The following YTHDC1 variants were observed in gnomAD, a reference collection of about 807,000 sequenced individuals.
The protein encoded by YTHDC1 is YTH domain-containing protein 1.
A neutral mutation model predicts 107.0 loss-of-function variants in YTHDC1; 12 were observed. That is an observed-to-expected ratio of 0.11 (90% CI 0.07 to 0.18). The LOEUF (loss-of-function observed/expected upper bound fraction) is 0.18. Ranked by LOEUF, YTHDC1 falls within the 10% of genes least tolerant of loss-of-function variation. The pLI is 1.00. For synonymous variants in YTHDC1, 280 were observed against 289.5 expected, an observed-to-expected ratio of 0.97 and a Z score of 0.33; for missense variants, 635 against 898.8, an observed-to-expected ratio of 0.71 and a Z score of 3.75.
chr4:68,313,848 T>G lies in YTHDC1; in HGVS notation c.*251A>C. On this transcript the variant is annotated 3_prime_UTR_variant, in exon 17 of 17. Transcript: ENST00000344157. ...TATGGAGAAAGAATCAGTATCTACATTCTTGGACTGTTCCATTCTGCCCCA... is the reference window on the plus strand; with the variant it reads ...TATGGAGAAAGAATCAGTATCTACAGTCTTGGACTGTTCCATTCTGCCCCA... 1 of 548,460 alleles carries G rather than the reference T, an allele frequency of 1.8e-6. No individual in the cohort carries two copies. The highest frequency in any genetic ancestry group is 2.3e-5 in the South Asian group (1 of 42,798). The allele number at this position is 548,460 out of a possible 1,614,324, so 34.0% of individuals were successfully genotyped here.
In YTHDC1 at chr4:68,316,595, A is replaced by G. The variant is rs147573557; in HGVS notation, c.1825-147T>C. 1.7e-5 allele frequency: 16 copies of G among 929,964 alleles called. No homozygotes were observed. The Middle Eastern group carries it at 9.3e-4, about 54-fold the overall frequency. The allele number at this position is 929,964 out of a possible 1,614,324, so 57.6% of individuals were successfully genotyped here. On this transcript the variant is annotated intron_variant, in intron 15 of 16. Transcript: ENST00000344157. The stretch of plus-strand genomic sequence containing the variant: ...TGATGGCATTAAGGTGTTTCAAAAT[A>G]TGCTTTTTGTCGAAAATTACACATC...
At chr4:68,319,124 TA>T (rs889508040) in intron 12 of YTHDC1, among the ~76,000 whole-genome samples, 6 of 152,360 alleles carry the variant, frequency 3.9e-5, no homozygotes, top group African/African-American at 1.4e-4. Flanking sequence ...CAAATCTTGC[TA>T]ATCAGAAAAT....
intron 1 of YTHDC1, among the ~76,000 whole-genome samples, chr4:68,341,395 T>G (rs1724787382): frequency 6.6e-6 from 1 of 152,112 alleles, no homozygotes; most frequent in African/African-American, 2.4e-5. Context: ...ACTGAAATAT[T>G]CAAAATCAAC....
At chr4:68,346,911 A>G (rs1013912858) in intron 1 of YTHDC1, among the ~76,000 whole-genome samples, 6 of 152,178 alleles carry the variant, frequency 3.9e-5, no homozygotes, top group Non-Finnish European at 8.8e-5. Context: ...TCAGGTATCC[A>G]CTGTGGATCT....
intron 7 of YTHDC1, among the ~76,000 whole-genome samples, chr4:68,330,989 T>C (rs986557803): frequency 3.9e-5 from 6 of 152,168 alleles, no homozygotes; most frequent in Non-Finnish European, 7.4e-5. Flanking sequence ...GTGCTTACAG[T>C]TGTTCCTCAG....
At chr4:68,339,068 T>A (rs1724534979) in intron 1 of YTHDC1, among the ~76,000 whole-genome samples, 1 of 152,170 alleles carries the variant, frequency 6.6e-6, no homozygotes, top group Admixed American at 6.5e-5. Flanking sequence ...TAAATACACA[T>A]TTACCAAAAA....
chr4:68,340,973 G>C (rs1001198169), intron 1 of YTHDC1, among the ~76,000 whole-genome samples: 1 of 152,060 alleles, frequency 6.6e-6, no homozygotes, highest in East Asian at 1.9e-4. Flanking sequence ...ACTGGTTGTA[G>C]TTTTAGAAAG....
At chr4:68,319,356 C>T (rs147167959) in intron 12 of YTHDC1, among the ~76,000 whole-genome samples, 5 of 152,186 alleles carry the variant, frequency 3.3e-5, no homozygotes, top group Admixed American at 2.0e-4. Context: ...AATGAAAAAT[C>T]GATGGTGGTT....
chr4:68,340,549 C>T (rs1217187609), intron 1 of YTHDC1, among the ~76,000 whole-genome samples: 1 of 151,862 alleles, frequency 6.6e-6, no homozygotes, highest in Non-Finnish European at 1.5e-5. Flanking sequence ...CATTTTCGGA[C>T]TCTAAATTAT....
intron 9 of YTHDC1, among the ~76,000 whole-genome samples, chr4:68,329,178 C>T (rs1392024101): frequency 6.6e-6 from 1 of 152,010 alleles, no homozygotes; most frequent in African/African-American, 2.4e-5. Context: ...TTTTCCTAAC[C>T]ATCTCCTTCA....
At chr4:68,320,879 A>T (rs1284253529) in intron 11 of YTHDC1, among the ~76,000 whole-genome samples, 6 of 150,462 alleles carry the variant, frequency 4.0e-5, no homozygotes, top group African/African-American at 1.2e-4. Context: ...AATTAAGGGA[A>T]TTTTTTTTTT....
In YTHDC1 at chr4:68,318,526, T is replaced by C; in HGVS notation, c.1817A>G (p.Gln606Arg). ...FHNMGPPPPW[Q>R]GMPPYPGMEQ... is the part of the protein sequence containing the mutation. ...AAATAGAATAATACAAACCATTCCT[T>C]GCCAAGGTGGTGGTGGTCCCATGTT... is the stretch of plus-strand genomic sequence containing the variant. Residue 606 changes from glutamine (Q) to arginine (R), a missense_variant, in exon 15 of 17, where the codon CAA becomes CGA. Coordinates refer to ENST00000344157, the MANE Select transcript of YTHDC1 (RefSeq NM_001031732.4). The C allele has an allele frequency of 6.2e-7, 1 of 1,611,138 alleles. No individual in the cohort carries two copies. The highest frequency in any genetic ancestry group is 1.7e-5 in the Admixed American group (1 of 59,594).
chr4:68,311,730 T>TA lies in YTHDC1; in HGVS notation c.*2368dup, dbSNP rs1303095391. 2.0e-5 allele frequency: 3 copies of TA among 152,088 alleles called. No individual in the cohort carries two copies. Among genetic ancestry groups the TA allele is most frequent in the Admixed American group, 6.6e-5 (1 of 15,262 alleles). The allele number at this position is 152,088 out of a possible 1,614,324, so 9.4% of individuals were successfully genotyped here. A position where few individuals can be genotyped will look rare whatever the true frequency, so the allele number is the denominator to read the frequency against. ...TAGTGCCAGATACTTGGTAAAAACT[T>TA]AATGTTGGCTTTTTAAAATAGATCG... On this transcript the variant is annotated 3_prime_UTR_variant, in exon 17 of 17. Coordinates refer to ENST00000344157, the MANE Select transcript of YTHDC1 (RefSeq NM_001031732.4).
chr4:68,328,520 G>T lies in YTHDC1; in HGVS notation c.1349+1482C>A, dbSNP rs950380842. On this transcript the variant is annotated intron_variant, in intron 9 of 16. Transcript: ENST00000344157. ...CACTGCATTCCAATACCATAATTAT[G>T]TATTTTTTCATTTGTTATACCTTTC... Among the ~76,000 whole-genome samples, 12 of 152,218 alleles carry T rather than the reference G, an allele frequency of 7.9e-5. No homozygotes were observed. In the East Asian group the frequency reaches 2.3e-3, roughly 29 times the overall value.
Position 68,337,513 on chromosome 4 carries a change from A to C in YTHDC1, c.459+59T>G, listed in dbSNP as rs886376959. Reference sequence around the variant, plus strand: ...AAAGACAAGGTCAGGGTGAATAAACAGTTCTAAAGCCTCAAAAAGAATGGC... The same window carrying C: ...AAAGACAAGGTCAGGGTGAATAAACCGTTCTAAAGCCTCAAAAAGAATGGC... On this transcript the variant is annotated intron_variant, in intron 3 of 16. Transcript: ENST00000344157. 8 of 1,591,864 alleles carry C rather than the reference A, an allele frequency of 5.0e-6. No individual in the cohort carries two copies. The African/African-American group carries it at 9.5e-5, about 19-fold the overall frequency.
At position 68,349,978 on chromosome 4, in the gene YTHDC1, G is replaced by T; in HGVS notation, c.-225C>A. On this transcript the variant is annotated 5_prime_UTR_variant, in exon 1 of 17. Transcript: ENST00000344157. Reference sequence around the variant, plus strand: ...CCAGCGGCCTAGGCCCAGCCTTCTCGTTAGGGCTCAGACTCGGGCTAGGTA... The same window carrying T: ...CCAGCGGCCTAGGCCCAGCCTTCTCTTTAGGGCTCAGACTCGGGCTAGGTA... 1.6e-6 allele frequency: 1 copy of T among 633,338 alleles called. No homozygotes were observed. Among genetic ancestry groups the T allele is most frequent in the East Asian group, 2.8e-5 (1 of 35,870 alleles). 39.2% of individuals were successfully genotyped at this position (633,338 alleles called of 1,614,324 possible).
chr4:68,337,998 AT>A, intron 2 of YTHDC1, 98 bp from the exon 3 acceptor site: 1 of 1,480,456 alleles, frequency 6.8e-7, no homozygotes. Context: ...GGAAGGGGGG[AT>A]AGGCCTCATT....
chr4:68,329,923 C>A (rs1723394444), intron 9 of YTHDC1, 79 bp downstream of exon 9: 1 of 1,089,828 alleles, frequency 9.2e-7, no homozygotes. Flanking sequence ...TATACAGTGA[C>A]TTTTTCACTT....
intron 1 of YTHDC1, 46 bp downstream of exon 1, chr4:68,349,680 C>T (rs370235077): frequency 3.4e-5 from 48 of 1,402,282 alleles, no homozygotes; most frequent in Non-Finnish European, 4.2e-5. Flanking sequence ...CACCCCACTC[C>T]CGGGCCCCAG....
Sources: allele counts gnomAD v4.1 joint callset (sites outside exome capture counted in the v4.1 genomes callset), GRCh38; gene constraint gnomAD v4.1.1; transcripts MANE v1.5; gene names NCBI Gene and HGNC (gene_info 2026-07-23, HGNC 2026-07-21).